Variants in GBF1 observed in about 807,000 individuals in gnomAD.
GBF1 encodes Golgi-specific brefeldin A-resistance guanine nucleotide exchange factor 1.
A neutral mutation model predicts 210.5 loss-of-function variants in GBF1; 114 were observed. That is an observed-to-expected ratio of 0.54 (90% confidence interval 0.47 to 0.63). The LOEUF is 0.63. Ranked by LOEUF, GBF1 falls within the 30% of genes least tolerant of loss-of-function variation. GBF1 has a pLI of 0.00. For missense variants in GBF1, 1,851 were observed against 2,357.7 expected, an observed-to-expected ratio of 0.79 and a Z score of 4.45; for synonymous variants, 850 against 889.2, an observed-to-expected ratio of 0.96 and a Z score of 0.78.
the GBF1 span, among the ~76,000 whole-genome samples, chr10:102,240,022 G>A: frequency 0.015 from 2,284 of 152,334 alleles, 24 homozygotes; most frequent in Non-Finnish European, 0.024. Flanking sequence ...GTAGGGCTGA[G>A]GAAGAAAAAG....
At position 102,366,958 on chromosome 10, in the gene GBF1, T is replaced by C. The variant is rs2059948661; in HGVS notation, c.2434-127T>C. 1.0e-6 allele frequency: 1 copy of C among 983,504 alleles called. No individual in the cohort carries two copies. The highest frequency in any genetic ancestry group is 1.6e-5 in the African/African-American group (1 of 61,602). The allele number at this position is 983,504 out of a possible 1,614,324, so 60.9% of individuals were successfully genotyped here. ...AAGAGATCAGCTTCTGTTAAGGAGT[T>C]GGCAAGAGACTGGCCACTTTCTGGA... On this transcript the variant is annotated intron_variant, in intron 19 of 39. Coordinates refer to ENST00000369983, the MANE Select transcript of GBF1 (RefSeq NM_001377137.1). The surrounding 1 kb of genome is among the most constrained non-coding windows in gnomAD (Gnocchi z 4.0).
intron 3 of GBF1, among the ~76,000 whole-genome samples, chr10:102,309,192 G>A (rs560634178): frequency 2.6e-5 from 4 of 152,200 alleles, no homozygotes; most frequent in Non-Finnish European, 4.4e-5. Context: ...AATCAGCTAG[G>A]CCCAGTCACT....
intron 3 of GBF1, among the ~76,000 whole-genome samples, chr10:102,316,447 G>A (rs1030086921): frequency 3.9e-5 from 6 of 152,110 alleles, no homozygotes; most frequent in Non-Finnish European, 8.8e-5. Context: ...TAAGGACATG[G>A]ATTGCTTATA....
chr10:102,363,685 T>TCC lies in GBF1; in HGVS notation c.2018-20_2018-19dup. On this transcript the variant is annotated intron_variant, in intron 16 of 39. Coordinates refer to ENST00000369983, the MANE Select transcript of GBF1 (RefSeq NM_001377137.1). The surrounding 1 kb of genome is among the most constrained non-coding windows in gnomAD (Gnocchi z 4.2). ...GGTAAAAAAAGGTGTTACAGATATT[T>TCC]CCCCCCTCTTCTTCCTACTCCTAGC... is the stretch of plus-strand genomic sequence containing the variant. 6.7e-7 allele frequency: 1 copy of TCC among 1,483,908 alleles called. No homozygotes were observed. The highest frequency in any genetic ancestry group is 9.4e-7 in the Non-Finnish European group (1 of 1,061,690). The allele number at this position is 1,483,908 out of a possible 1,614,324, so 91.9% of individuals were successfully genotyped here. A position where few individuals can be genotyped will look rare whatever the true frequency, so the allele number is the denominator to read the frequency against.
intron 38 of GBF1, 55 bp downstream of exon 38, chr10:102,380,741 C>A: frequency 2.1e-6 from 3 of 1,412,918 alleles, no homozygotes; most frequent in South Asian, 1.3e-5. Context: ...GGCACAATGG[C>A]TCACACCTCT....
chr10:102,247,259 C>T (rs1398432985), intron 1 of GBF1, among the ~76,000 whole-genome samples: 1 of 152,004 alleles, frequency 6.6e-6, no homozygotes, highest in African/African-American at 2.4e-5. Flanking sequence ...CCCTTCCTAC[C>T]TTCGTCCTTA....
chr10:102,380,792 G>A (rs1386001022), intron 38 of GBF1, 106 bp downstream of exon 38: 13 of 954,346 alleles, frequency 1.4e-5, no homozygotes, highest in East Asian at 7.2e-5. Flanking sequence ...TGGATCACCC[G>A]AGGGCAGGAA....
At chr10:102,320,788 TTTAA>T (rs2134154581) in intron 3 of GBF1, among the ~76,000 whole-genome samples, 1 of 152,072 alleles carries the variant, frequency 6.6e-6, no homozygotes, top group Non-Finnish European at 1.5e-5. Flanking sequence ...AGTTTTTATT[TTTAA>T]TTCTTTTTTT....
At chr10:102,355,387 C>A (rs143648287) in intron 8 of GBF1, among the ~76,000 whole-genome samples, 5 of 152,308 alleles carry the variant, frequency 3.3e-5, no homozygotes, top group African/African-American at 1.2e-4. Flanking sequence ...TAACCTGGGA[C>A]CTGCTCCTTT....
rs762603335 is a variant in GBF1, at chr10:102,370,384, G to A, written c.3412G>A (p.Ala1138Thr). ...CTTTCCTGCTGCTGTTCCCCTTCAGGCTCTGGTCTCAGTGACACCAGATGA... is the reference window on the plus strand; with the variant it reads ...CTTTCCTGCTGCTGTTCCCCTTCAGACTCTGGTCTCAGTGACACCAGATGA... ...QLESLQELMK[A>T]LVSVTPDEET... The change falls in exon 28 of 40, where the codon GCT becomes ACT. Residue 1138 changes from alanine to threonine, a missense_variant and splice_region_variant. By Grantham distance (58) the Ala-to-Thr change is moderately conservative (BLOSUM62 0). This residue lies in a region of GBF1 where 967 missense variants were observed against 1,247.7 expected (regional missense o/e 0.78). Transcript: ENST00000369983. 9.4e-6 allele frequency: 15 copies of A among 1,603,356 alleles called. No homozygotes were observed. In the Admixed American group the frequency reaches 2.5e-4, roughly 27 times the overall value.
chr10:102,255,364 A>AT (rs1394531403), intron 1 of GBF1, among the ~76,000 whole-genome samples: 3 of 151,980 alleles, frequency 2.0e-5, no homozygotes, highest in Non-Finnish European at 2.9e-5. Flanking sequence ...TTTTACAATG[A>AT]TTTTTTGCTT....
intron 39 of GBF1, 128 bp downstream of exon 39, chr10:102,381,383 A>G: frequency 1.2e-6 from 1 of 858,178 alleles, no homozygotes; most frequent in East Asian, 2.6e-5. Context: ...CACTAGAGAG[A>G]ACTGTTGCCG....
At chr10:102,359,059 G>A (rs1471469551) in intron 10 of GBF1, 1 of 599,270 alleles carries the variant, frequency 1.7e-6, no homozygotes, top group African/African-American at 1.9e-5. Flanking sequence ...TCTAGTCATT[G>A]TAGGTCAGTG....
chr10:102,381,052 G>C, intron 38 of GBF1, 75 bp from the exon 39 acceptor site: 1 of 1,439,180 alleles, frequency 6.9e-7, no homozygotes, highest in Non-Finnish European at 9.6e-7. Flanking sequence ...GGGTAGAAAG[G>C]CTGTTGGGTA....
chr10:102,372,029 A>G (rs1290082484), intron 29 of GBF1, among the ~76,000 whole-genome samples: 1 of 151,838 alleles, frequency 6.6e-6, no homozygotes, highest in East Asian at 1.9e-4. Context: ...CAGCCTGACT[A>G]ACGTGGTGAA....
At chr10:102,361,238 A>G in intron 13 of GBF1, 118 bp downstream of exon 13, 1 of 688,462 alleles carries the variant, frequency 1.5e-6, no homozygotes, top group Non-Finnish European at 2.7e-6. Context: ...CCTATAGGAG[A>G]GTCCTTTTAG....
intron 33 of GBF1, among the ~76,000 whole-genome samples, chr10:102,377,773 TC>T (rs2060596255): frequency 6.6e-6 from 1 of 152,182 alleles, no homozygotes; most frequent in South Asian, 2.1e-4. Flanking sequence ...TGAGTTCCCC[TC>T]ACTAGAGGCA....
At chr10:102,348,657 G>A (rs11191266) in intron 4 of GBF1, among the ~76,000 whole-genome samples, 2,929 of 152,188 alleles carry the variant, frequency 0.019, 45 homozygotes, top group Non-Finnish European at 0.03. Context: ...GGAGGAGCTG[G>A]GTCACCCCAT....
chr10:102,376,596 C>T lies in GBF1; in HGVS notation c.4084C>T (p.Pro1362Ser), dbSNP rs2060509202. ...KDDVDNSKPG[P>S]SRPGPSPLIN... ...TGACGTTGATAACTCCAAGCCAGGG[C>T]CCAGCCGCCCAGGCCCTTCACCCCT... Residue 1362 changes from proline to serine, a missense_variant, in exon 32 of 40, where the codon CCC becomes TCC. Pro to Ser is a moderately conservative substitution (Grantham distance 74). This residue lies in a region of GBF1 where 967 missense variants were observed against 1,247.7 expected (regional missense o/e 0.78). Coordinates refer to ENST00000369983, the MANE Select transcript of GBF1 (RefSeq NM_001377137.1). 1.2e-6 allele frequency: 2 copies of T among 1,613,752 alleles called. No individual in the cohort carries two copies. Among genetic ancestry groups the T allele is most frequent in the East Asian group, 4.5e-5 (2 of 44,876 alleles).
Sources: allele counts gnomAD v4.1 joint callset (sites outside exome capture counted in the v4.1 genomes callset), GRCh38; gene constraint gnomAD v4.1.1; regional missense constraint gnomAD v4.1.1; non-coding constraint Gnocchi (gnomAD v3.1); transcripts MANE v1.5; gene names NCBI Gene and HGNC (gene_info 2026-07-23, HGNC 2026-07-21).